Variants in GRIN2B observed in about 807,000 individuals in gnomAD.
The protein encoded by GRIN2B is glutamate receptor ionotropic, NMDA 2B.
In GRIN2B, 5 loss-of-function variants were observed where a neutral mutation model predicts 114.5. The observed-to-expected ratio is 0.04, with a 90% CI of 0.02 to 0.09. The LOEUF is 0.09. GRIN2B is among the 10% of genes least tolerant of loss of function. GRIN2B has a pLI of 1.00. For missense variants in GRIN2B, 1,108 were observed against 1,943.5 expected (o/e 0.57, Z 8.08); for synonymous variants, 787 against 745.1 (o/e 1.06, Z -0.92).
intron 5 of GRIN2B, among the ~76,000 whole-genome samples, chr12:13,646,195 C>T (rs75683075): frequency 0.064 from 9,744 of 152,136 alleles, 403 homozygotes; most frequent in East Asian, 0.16. Context: ...GACATATATG[C>T]AACATTTCTA....
chr12:13,690,631 A>G (rs113655646), intron 4 of GRIN2B, among the ~76,000 whole-genome samples: 2 of 152,238 alleles, frequency 1.3e-5, no homozygotes, highest in East Asian at 1.9e-4. Context: ...GGATCATGTA[A>G]TCTACCCAAA....
In GRIN2B at chr12:13,819,909, A is replaced by G. The variant is rs548426568; in HGVS notation, c.411+45889T>C. Among the ~76,000 whole-genome samples, 43 of 152,314 alleles carry G rather than the reference A, an allele frequency of 2.8e-4. No homozygotes were observed. In the South Asian group the frequency reaches 4.8e-3, roughly 17 times the overall value. ...ACATAAATGGAGACTTCCAGTGAAC[A>G]GGAGCAACCAATAAACAACCTAAAC... On this transcript the variant is annotated intron_variant, in intron 3 of 13. Coordinates refer to ENST00000609686, the MANE Select transcript of GRIN2B (RefSeq NM_000834.5).
chr12:13,789,502 G>A (rs888222894), intron 3 of GRIN2B, among the ~76,000 whole-genome samples: 1 of 152,152 alleles, frequency 6.6e-6, no homozygotes, highest in Non-Finnish European at 1.5e-5. Context: ...TATTTTGATG[G>A]CAAATACCCT....
intron 4 of GRIN2B, among the ~76,000 whole-genome samples, chr12:13,704,289 A>T (rs1345925457): frequency 6.6e-6 from 1 of 152,118 alleles, no homozygotes; most frequent in Non-Finnish European, 1.5e-5. Context: ...GGCTTGCGGG[A>T]AAACTCTCAA....
At position 13,563,182 on chromosome 12, in the gene GRIN2B, G is replaced by C. The variant is rs1591605329; in HGVS notation, c.4056C>G (p.Asn1352Lys). The C allele has an allele frequency of 6.2e-7, 1 of 1,614,188 alleles. No individual in the cohort carries two copies. The highest frequency in any genetic ancestry group is 2.2e-5 in the East Asian group (1 of 44,868). The change falls in exon 14 of 14, where the codon AAC (asparagine) becomes AAG (lysine). Residue 1352 changes from asparagine to lysine, a missense_variant. By Grantham distance (94) the Asn-to-Lys change is moderately conservative. Transcript: ENST00000609686. Reference sequence around the variant, plus strand: ...GTCCGGCAGTGGGCACTGAGGACTTGTTGTTGGCAAAGGTGCTCTCGCCAG... The same window carrying C: ...GTCCGGCAGTGGGCACTGAGGACTTCTTGTTGGCAAAGGTGCTCTCGCCAG... ...MSAGESTFAN[N>K]KSSVPTAGHH...
At chr12:13,947,870 C>T (rs998297325) in intron 2 of GRIN2B, among the ~76,000 whole-genome samples, 5 of 152,200 alleles carry the variant, frequency 3.3e-5, no homozygotes, top group African/African-American at 1.2e-4. Context: ...TTAAACCACG[C>T]TGTAGGCTTT....
chr12:13,644,764 TTTA>T (rs1206504299), intron 5 of GRIN2B, among the ~76,000 whole-genome samples: 2 of 152,176 alleles, frequency 1.3e-5, no homozygotes, highest in South Asian at 2.1e-4. Flanking sequence ...ACCTTGTACT[TTTA>T]TGTTATGAAC....
intron 2 of GRIN2B, among the ~76,000 whole-genome samples, chr12:13,917,407 T>C (rs1165867034): frequency 6.6e-6 from 1 of 152,160 alleles, no homozygotes; most frequent in African/African-American, 2.4e-5. Context: ...GGAGACCCTC[T>C]GGGTGGGCCG....
chr12:13,715,508 T>G (rs960667295), intron 4 of GRIN2B, among the ~76,000 whole-genome samples: 3 of 151,908 alleles, frequency 2.0e-5, no homozygotes, highest in African/African-American at 7.2e-5. Flanking sequence ...CAGTAAACAC[T>G]TAGTAACATT....
At chr12:13,888,589 C>T (rs1309781740) in intron 2 of GRIN2B, among the ~76,000 whole-genome samples, 1 of 151,696 alleles carries the variant, frequency 6.6e-6, no homozygotes, top group African/African-American at 2.4e-5. Flanking sequence ...CAAAAATTAG[C>T]CGGGTGTGGT....
intron 4 of GRIN2B, among the ~76,000 whole-genome samples, chr12:13,720,186 G>A (rs1040118853): frequency 4.6e-5 from 7 of 152,018 alleles, no homozygotes; most frequent in African/African-American, 1.7e-4. Context: ...CCCCTGGCTT[G>A]TGTCACTTCC....
At chr12:13,770,113 G>A (rs1863877504) in intron 3 of GRIN2B, among the ~76,000 whole-genome samples, 1 of 152,092 alleles carries the variant, frequency 6.6e-6, no homozygotes, top group African/African-American at 2.4e-5. Flanking sequence ...CTTATCAGTG[G>A]GTCCTGAACA....
intron 10 of GRIN2B, among the ~76,000 whole-genome samples, chr12:13,593,183 T>A (rs550735804): frequency 4.6e-5 from 7 of 152,286 alleles, no homozygotes; most frequent in South Asian, 2.1e-4. Context: ...CTTCACAGAA[T>A]TGGAAAAAAC....
intron 2 of GRIN2B, among the ~76,000 whole-genome samples, chr12:13,894,120 C>A (rs1385800939): frequency 6.6e-6 from 1 of 152,012 alleles, no homozygotes; most frequent in Non-Finnish European, 1.5e-5. Flanking sequence ...CATATTACTA[C>A]AGTGAATATA....
At chr12:13,647,037 C>A (rs1311814074) in intron 5 of GRIN2B, among the ~76,000 whole-genome samples, 1 of 152,068 alleles carries the variant, frequency 6.6e-6, no homozygotes, top group African/African-American at 2.4e-5. Flanking sequence ...AGCCAATGAG[C>A]AGCAGACACT....
At chr12:13,872,758 C>T (rs533748934) in intron 2 of GRIN2B, among the ~76,000 whole-genome samples, 2 of 152,290 alleles carry the variant, frequency 1.3e-5, no homozygotes, top group East Asian at 3.9e-4. Flanking sequence ...TCAGCCTTTA[C>T]CTGGTGGGTA....
At chr12:13,897,156 A>G (rs963408397) in intron 2 of GRIN2B, among the ~76,000 whole-genome samples, 1 of 152,154 alleles carries the variant, frequency 6.6e-6, no homozygotes, top group Non-Finnish European at 1.5e-5. Context: ...GACAAGAACT[A>G]GGAAAAGCCT....
rs1485517614 is a variant in GRIN2B at position 13,552,785 on chromosome 12, C to T, written c.*9998G>A. On this transcript the variant is annotated 3_prime_UTR_variant, in exon 14 of 14. Coordinates refer to ENST00000609686, the MANE Select transcript of GRIN2B (RefSeq NM_000834.5). The stretch of plus-strand genomic sequence containing the variant: ...TGAAAAGCAAAATTATCTCTCTAGA[C>T]TTATATTTTAATTTTCACTAGGTAT... The T allele has an allele frequency of 6.6e-6, 1 of 152,120 alleles. No individual in the cohort carries two copies. The highest frequency in any genetic ancestry group is 1.5e-5 in the Non-Finnish European group (1 of 68,014). The allele number at this position is 152,120 out of a possible 1,614,324, so 9.4% of individuals were successfully genotyped here.
chr12:13,544,817 C>G lies in GRIN2B; in HGVS notation c.*17966G>C, dbSNP rs1948323691. The G allele has an allele frequency of 6.6e-6, 1 of 152,298 alleles. No individual in the cohort carries two copies. The highest frequency in any genetic ancestry group is 1.5e-5 in the Non-Finnish European group (1 of 68,078). The allele number at this position is 152,298 out of a possible 1,614,324, so 9.4% of individuals were successfully genotyped here. ...ATCATGGCCCAAGCAACTATGATCT[C>G]TTACCAGGATTATTGCAAGAGCTTC... is the stretch of plus-strand genomic sequence containing the variant. On this transcript the variant is annotated 3_prime_UTR_variant, in exon 14 of 14. Coordinates refer to ENST00000609686, the MANE Select transcript of GRIN2B (RefSeq NM_000834.5).
Sources: gnomAD v4.1 joint callset for allele counts (sites outside exome capture counted in the v4.1 genomes callset) on GRCh38, gnomAD v4.1.1 for gene constraint, MANE v1.5 for transcripts, NCBI Gene and HGNC (gene_info 2026-07-23, HGNC 2026-07-21) for gene names.